The following LEO1 variants were observed in gnomAD, a reference collection of about 807,000 sequenced individuals.
LEO1 encodes the protein LEO1 component of Paf1/RNA polymerase II complex.
Under a neutral mutation model 80.4 loss-of-function variants are expected in LEO1, and 34 were observed. The observed-to-expected ratio is 0.42, with a 90% CI of 0.32 to 0.56. The LOEUF is 0.56. Ranked by LOEUF, LEO1 falls within the 20% of genes least tolerant of loss-of-function variation. LEO1 has a pLI of 0.10. For synonymous variants in LEO1, 262 were observed against 274.9 expected (o/e 0.95, Z 0.46); for missense variants, 631 against 814.2 (o/e 0.77, Z 2.74).
Position 51,954,628 on chromosome 15 carries a change from A to G in LEO1, c.1246-53T>C, listed in dbSNP as rs1234809421. The G allele has an allele frequency of 4.2e-6, 5 of 1,201,770 alleles. No homozygotes were observed. In the Admixed American group the frequency reaches 6.8e-5, roughly 16 times the overall value. The allele number at this position is 1,201,770 out of a possible 1,614,324, so 74.4% of individuals were successfully genotyped here. A position where few individuals can be genotyped will look rare whatever the true frequency, so the allele number is the denominator to read the frequency against. On this transcript the variant is annotated intron_variant, in intron 6 of 11. Transcript: ENST00000299601. ...AATTATAGTTTAAATGACTCTATGC[A>G]TCTTGTTTTTCCTCAAGAGGCACAT...
chr15:51,946,257 T>G (rs2056900014), intron 11 of LEO1, among the ~76,000 whole-genome samples: 1 of 152,092 alleles, frequency 6.6e-6, no homozygotes, highest in East Asian at 1.9e-4. Context: ...TGGCGCGATC[T>G]CGGCTCACTG....
At chr15:51,971,662 C>G in intron 1 of LEO1, 26 bp downstream of exon 1, 1 of 1,612,652 alleles carries the variant, frequency 6.2e-7, no homozygotes, top group Non-Finnish European at 8.5e-7. Flanking sequence ...GCCACGCACC[C>G]ATCCTCCGAA....
intron 6 of LEO1, among the ~76,000 whole-genome samples, chr15:51,956,924 C>T (rs879658973): frequency 8.5e-5 from 13 of 152,160 alleles, no homozygotes; most frequent in Admixed American, 6.5e-4. Flanking sequence ...CTCCTGGGCT[C>T]AAGCAATCCT....
intron 11 of LEO1, 141 bp from the exon 12 acceptor site, chr15:51,938,401 T>C (rs2056819663): frequency 1.7e-6 from 1 of 601,124 alleles, no homozygotes. Flanking sequence ...GATTGTGAGG[T>C]GTCAGCAACT....
Position 51,966,095 on chromosome 15 carries a change from A to G in LEO1, c.468T>C (p.Asp156=), listed in dbSNP as rs748986996. The G allele has an allele frequency of 6.2e-7, 1 of 1,613,928 alleles. No homozygotes were observed. Among genetic ancestry groups the G allele is most frequent in the Admixed American group, 1.7e-5 (1 of 59,994 alleles). ...GREDKSDQSD[D]EKIQNSDDEE... is the part of the protein sequence containing the mutation. ...CATCATCAGAATTTTGTATCTTTTCATCATCTGACTGGTCACTTTTATCTT... is the reference window on the plus strand; with the variant it reads ...CATCATCAGAATTTTGTATCTTTTCGTCATCTGACTGGTCACTTTTATCTT... The change falls in exon 2 of 12, where the codon GAT becomes GAC. Residue 156 remains aspartate (D), a synonymous_variant. Transcript: ENST00000299601.
intron 11 of LEO1, among the ~76,000 whole-genome samples, chr15:51,945,487 T>C (rs2056892780): frequency 1.3e-5 from 2 of 152,218 alleles, no homozygotes; most frequent in South Asian, 2.1e-4. Context: ...TTCAGACGTT[T>C]ACTCAAAGAT....
In LEO1 at chr15:51,966,397, G is replaced by C. The variant is rs773862323; in HGVS notation, c.166C>G (p.Pro56Ala). The change falls in exon 2 of 12, where the codon CCA (proline) becomes GCA (alanine). Residue 56 changes from proline to alanine, a missense_variant. Physicochemically the swap from Pro to Ala is conservative, Grantham distance 27. This residue lies in a region of LEO1 where 394 missense variants were observed against 395.6 expected (regional missense o/e 1.00). Coordinates refer to ENST00000299601, the MANE Select transcript of LEO1 (RefSeq NM_138792.4). ...DQDERGDSGQ[P>A]SNKELFGDDS... ...TCTCCAAACAGTTCCTTATTACTTG[G>C]TTGTCCTGAATCACCTCTTTCATCC... The C allele has an allele frequency of 1.4e-5, 22 of 1,613,964 alleles. No individual in the cohort carries two copies. The highest frequency in any genetic ancestry group is 1.8e-5 in the Non-Finnish European group (21 of 1,179,980).
chr15:51,960,038 T>C lies in LEO1; in HGVS notation c.1021A>G (p.Asn341Asp). 2 of 1,610,590 alleles carry C rather than the reference T, an allele frequency of 1.2e-6. No homozygotes were observed. Among genetic ancestry groups the C allele is most frequent in the Non-Finnish European group, 1.7e-6 (2 of 1,179,144 alleles). ...TCCTGTTGATCCTGAGGCAATCCAT[T>C]TTCATCCTAGTGAAAGAATCGGAAG... is the stretch of plus-strand genomic sequence containing the variant. ...PPTPGQPVDE[N>D]GLPQDQQEEE... The change falls in exon 5 of 12, where the codon AAT becomes GAT. Residue 341 changes from asparagine (N) to aspartate (D), a missense_variant. By Grantham distance (23) the Asn-to-Asp change is conservative. Coordinates refer to ENST00000299601, the MANE Select transcript of LEO1 (RefSeq NM_138792.4).
chr15:51,969,838 T>TAAAA (rs58342384), intron 1 of LEO1, among the ~76,000 whole-genome samples: 44 of 89,970 alleles, frequency 4.9e-4, no homozygotes, highest in South Asian at 1.9e-3. Flanking sequence ...GAGACTCCGT[T>TAAAA]AAAAAAAAAA....
chr15:51,971,611 T>A (rs912067765), intron 1 of LEO1, 77 bp downstream of exon 1: 6 of 1,469,178 alleles, frequency 4.1e-6, no homozygotes, highest in East Asian at 2.3e-5. Flanking sequence ...CCCGCGGCGC[T>A]GGAGCCTCCA....
At chr15:51,942,819 G>A (rs1310396514) in intron 11 of LEO1, among the ~76,000 whole-genome samples, 3 of 151,774 alleles carry the variant, frequency 2.0e-5, no homozygotes, top group African/African-American at 7.3e-5. Flanking sequence ...CTACTAGGAA[G>A]GCTGAGGCAG....
Position 51,960,693 on chromosome 15 carries a change from A to G in LEO1, c.960T>C (p.Asp320=). The stretch of plus-strand genomic sequence containing the variant: ...CTTCTCCATCACTCCCTGAAGAGAT[A>G]TCATCTGCACCTCCAAATAAATCCA... ...GTMDLFGGAD[D]ISSGSDGEDK... The change falls in exon 4 of 12, where the codon GAT becomes GAC. Residue 320 remains aspartate (D), a synonymous_variant. Transcript: ENST00000299601. The G allele has an allele frequency of 1.2e-6, 2 of 1,611,942 alleles. No individual in the cohort carries two copies. The highest frequency in any genetic ancestry group is 1.7e-6 in the Non-Finnish European group (2 of 1,177,948).
intron 1 of LEO1, among the ~76,000 whole-genome samples, chr15:51,967,105 G>A (rs1018706206): frequency 6.6e-6 from 1 of 152,006 alleles, no homozygotes; most frequent in South Asian, 2.1e-4. Flanking sequence ...AAGATTTATG[G>A]GACACCTTAA....
intron 1 of LEO1, among the ~76,000 whole-genome samples, chr15:51,968,654 C>G (rs927645580): frequency 6.6e-6 from 1 of 151,892 alleles, no homozygotes; most frequent in Non-Finnish European, 1.5e-5. Flanking sequence ...TATGGTGAAA[C>G]CCCATCTCTA....
chr15:51,949,694 C>G (rs948266983), intron 10 of LEO1, 114 bp downstream of exon 10: 1 of 858,600 alleles, frequency 1.2e-6, no homozygotes, highest in Non-Finnish European at 1.8e-6. Flanking sequence ...AGCGAGACTC[C>G]GTCTCAAAAA....
intron 5 of LEO1, among the ~76,000 whole-genome samples, chr15:51,959,660 C>T (rs2057015192): frequency 6.6e-6 from 1 of 152,144 alleles, no homozygotes; most frequent in Non-Finnish European, 1.5e-5. Flanking sequence ...ACCTTGAACA[C>T]TTGTGGTGTC....
intron 11 of LEO1, 135 bp downstream of exon 11, chr15:51,947,157 G>A (rs748888727): frequency 1.4e-5 from 10 of 715,266 alleles, no homozygotes; most frequent in Non-Finnish European, 2.0e-5. Flanking sequence ...TCTTGTTACT[G>A]CATTTATCTC....
intron 3 of LEO1, among the ~76,000 whole-genome samples, chr15:51,961,114 G>T (rs2057026645): frequency 6.6e-6 from 1 of 152,156 alleles, no homozygotes; most frequent in Admixed American, 6.5e-5. Flanking sequence ...CAGGCATAGT[G>T]GTTCATGCCT....
At chr15:51,962,933 C>CCG (rs201702502) in intron 2 of LEO1, among the ~76,000 whole-genome samples, 2 of 150,050 alleles carry the variant, frequency 1.3e-5, no homozygotes, top group South Asian at 2.1e-4. Context: ...ATGCCCCCCC[C>CCG]CCAAAAAATT....
Sources: allele counts gnomAD v4.1 joint callset (sites outside exome capture counted in the v4.1 genomes callset), GRCh38; gene constraint gnomAD v4.1.1; regional missense constraint gnomAD v4.1.1; transcripts MANE v1.5; gene names NCBI Gene and HGNC (gene_info 2026-07-23, HGNC 2026-07-21).